Variants in SOX30 observed in about 807,000 individuals in gnomAD.
SOX30 encodes SRY-box transcription factor 30.
A neutral mutation model predicts 58.6 loss-of-function variants in SOX30; 17 were observed. The observed-to-expected ratio is 0.29, with a 90% CI of 0.20 to 0.44. The LOEUF is 0.44. SOX30 is among the 20% of genes least tolerant of loss of function. SOX30 has a pLI of 1.00. For missense variants in SOX30, 951 were observed against 965.8 expected, an observed-to-expected ratio of 0.98 and a Z score of 0.20; for synonymous variants, 421 against 400.2, an observed-to-expected ratio of 1.05 and a Z score of -0.62.
At chr5:157,644,160 A>C (rs1056136849) in intron 3 of SOX30, among the ~76,000 whole-genome samples, 4 of 152,162 alleles carry the variant, frequency 2.6e-5, no homozygotes, top group African/African-American at 7.2e-5. Flanking sequence ...CAAGAAACAA[A>C]TTTGTTTGTT....
intron 4 of SOX30, among the ~76,000 whole-genome samples, chr5:157,635,496 C>T (rs930817376): frequency 1.1e-4 from 17 of 151,982 alleles, no homozygotes; most frequent in African/African-American, 4.1e-4. Context: ...TGGTGATAGG[C>T]ACCTGTGGTC....
chr5:157,637,133 C>CAAAAAA (rs1203322529), intron 4 of SOX30, among the ~76,000 whole-genome samples: 12 of 62,822 alleles, frequency 1.9e-4, no homozygotes, highest in African/African-American at 6.7e-4. Flanking sequence ...AACTCCGCCT[C>CAAAAAA]AAAAAAAAAA....
At chr5:157,665,819 G>A (rs58404785) in intron 2 of SOX30, among the ~76,000 whole-genome samples, 6,914 of 151,164 alleles carry the variant, frequency 0.046, 526 homozygotes, top group African/African-American at 0.16. Context: ...CCAAAGAGAT[G>A]GAGGAACTTC....
At position 157,652,327 on chromosome 5, in the gene SOX30, G is replaced by C; in HGVS notation, c.-249C>G. ...CTCGTGCTGAGTCCTCGAATCACCT[G>C]CCATGGTAGGAGCCGCCGCACTTGT... On this transcript the variant is annotated 5_prime_UTR_variant, in exon 1 of 5. Coordinates refer to ENST00000265007, the MANE Select transcript of SOX30 (RefSeq NM_178424.2). The C allele has an allele frequency of 4.1e-6, 5 of 1,209,554 alleles. No individual in the cohort carries two copies. The highest frequency in any genetic ancestry group is 5.1e-6 in the Non-Finnish European group (5 of 974,570). 74.9% of individuals were successfully genotyped at this position (1,209,554 alleles called of 1,614,324 possible). A position where few individuals can be genotyped will look rare whatever the true frequency, so the allele number is the denominator to read the frequency against.
At chr5:157,663,917 G>A (rs1039152901) in intron 2 of SOX30, among the ~76,000 whole-genome samples, 1 of 152,044 alleles carries the variant, frequency 6.6e-6, no homozygotes, top group Non-Finnish European at 1.5e-5. Context: ...TCTTTAAGGA[G>A]AACTACAAAC....
chr5:157,634,625 GA>G (rs1758883148), intron 4 of SOX30, among the ~76,000 whole-genome samples: 1 of 151,952 alleles, frequency 6.6e-6, no homozygotes, highest in African/African-American at 2.4e-5. Context: ...GAAATAGTTG[GA>G]AAATTCCACA....
chr5:157,658,917 C>G (rs1000705893), intron 2 of SOX30, among the ~76,000 whole-genome samples: 2 of 152,168 alleles, frequency 1.3e-5, no homozygotes, highest in African/African-American at 4.8e-5. Flanking sequence ...GCAGATAAAA[C>G]AGGTTGCAGT....
chr5:157,631,753 G>C, intron 4 of SOX30, among the ~76,000 whole-genome samples: 1 of 134,460 alleles, frequency 7.4e-6, no homozygotes, highest in East Asian at 2.2e-4. Flanking sequence ...TAACAGAGTG[G>C]GAACTCGTCT....
chr5:157,661,728 G>A (rs904108957), intron 2 of SOX30, among the ~76,000 whole-genome samples: 3 of 152,108 alleles, frequency 2.0e-5, no homozygotes, highest in African/African-American at 7.2e-5. Flanking sequence ...GACCACACTT[G>A]GTAATAGTGT....
Position 157,626,581 on chromosome 5 carries a change from T to A in SOX30, c.2021A>T (p.Asp674Val), listed in dbSNP as rs760386409. Reference sequence around the variant, plus strand: ...ACTGTGTGTGCATTCACTTGAGTAGTCTCTAAAAGAATAGTCTCTATTTAA... The same window carrying A: ...ACTGTGTGTGCATTCACTTGAGTAGACTCTAAAAGAATAGTCTCTATTTAA... ...STLNRDYSFR[D>V]YSSECTHSEN... The change falls in exon 5 of 5, where the codon GAC (aspartate) becomes GTC (valine). Residue 674 changes from aspartate to valine, a missense_variant. By Grantham distance (152) the Asp-to-Val change is radical. Coordinates refer to ENST00000265007, the MANE Select transcript of SOX30 (RefSeq NM_178424.2). The A allele has an allele frequency of 3.7e-6, 6 of 1,614,206 alleles. No homozygotes were observed. The highest frequency in any genetic ancestry group is 5.1e-6 in the Non-Finnish European group (6 of 1,180,034).
chr5:157,626,284 C>A lies in SOX30; in HGVS notation c.*56G>T. The A allele has an allele frequency of 7.2e-7, 1 of 1,395,018 alleles. No homozygotes were observed. Among genetic ancestry groups the A allele is most frequent in the East Asian group, 2.4e-5 (1 of 42,308 alleles). The allele number at this position is 1,395,018 out of a possible 1,614,324, so 86.4% of individuals were successfully genotyped here. A position where few individuals can be genotyped will look rare whatever the true frequency, so the allele number is the denominator to read the frequency against. On this transcript the variant is annotated 3_prime_UTR_variant, in exon 5 of 5. Coordinates refer to ENST00000265007, the MANE Select transcript of SOX30 (RefSeq NM_178424.2). Reference sequence around the variant, plus strand: ...TAGGCTTTTTTTTTTCTCATACCAACTGACCCAGAATATATTTTAAGAAAT... The same window carrying A: ...TAGGCTTTTTTTTTTCTCATACCAAATGACCCAGAATATATTTTAAGAAAT...
At chr5:157,652,987 T>TC, upstream of SOX30, among the ~76,000 whole-genome samples, 1 of 152,282 alleles carries the variant, frequency 6.6e-6, no homozygotes, top group Non-Finnish European at 1.5e-5. Context: ...GCCTTAAAAA[T>TC]CCCCCAGTGG....
At position 157,646,820 on chromosome 5, in the gene SOX30, T is replaced by G. The variant is rs764782333; in HGVS notation, c.1208-4A>C. ...GGACGAGGCTGATAAACCCAACCTATAGAAGACAAAATATGTTTAAATGTG... is the reference window on the plus strand; with the variant it reads ...GGACGAGGCTGATAAACCCAACCTAGAGAAGACAAAATATGTTTAAATGTG... On this transcript the variant is annotated splice_polypyrimidine_tract_variant and splice_region_variant and intron_variant, in intron 2 of 4. Transcript: ENST00000265007. 6.2e-7 allele frequency: 1 copy of G among 1,609,658 alleles called. No individual in the cohort carries two copies. The highest frequency in any genetic ancestry group is 1.1e-5 in the South Asian group (1 of 90,624).
intron 4 of SOX30, among the ~76,000 whole-genome samples, chr5:157,633,221 T>C (rs948659647): frequency 6.6e-6 from 1 of 152,206 alleles, no homozygotes; most frequent in Non-Finnish European, 1.5e-5. Flanking sequence ...TTAGGGTTTT[T>C]TCTGTTTTTG....
At chr5:157,633,712 A>G (rs2113835316) in intron 4 of SOX30, among the ~76,000 whole-genome samples, 1 of 152,296 alleles carries the variant, frequency 6.6e-6, no homozygotes, top group Non-Finnish European at 1.5e-5. Flanking sequence ...CCTTTGATTC[A>G]TTTGCCTAAA....
Position 157,651,794 on chromosome 5 carries a change from G to T in SOX30, c.285C>A (p.Ser95=). Residue 95 remains serine (S), a synonymous_variant, in exon 1 of 5, where the codon TCC becomes TCA. Coordinates refer to ENST00000265007, the MANE Select transcript of SOX30 (RefSeq NM_178424.2). ...TGAACTGCAACAGCCGCGCCTGCGC[G>T]GACGAGGCAGCGGCTTCCTCGTTCT... is the stretch of plus-strand genomic sequence containing the variant. ...QAQNEEAAAS[S]AQARLLQFRP... is the part of the protein sequence containing the mutation. The T allele has an allele frequency of 1.3e-6, 2 of 1,576,220 alleles. No individual in the cohort carries two copies. Among genetic ancestry groups the T allele is most frequent in the African/African-American group, 1.3e-5 (1 of 74,396 alleles).
chr5:157,661,926 TATTA>T (rs1759586108), intron 2 of SOX30, among the ~76,000 whole-genome samples: 1 of 152,198 alleles, frequency 6.6e-6, no homozygotes, highest in Non-Finnish European at 1.5e-5. Flanking sequence ...GGATTGGTAT[TATTA>T]ATTATTTAAA....
intron 3 of SOX30, among the ~76,000 whole-genome samples, chr5:157,640,485 A>G (rs1759035837): frequency 6.6e-6 from 1 of 151,878 alleles, no homozygotes; most frequent in Non-Finnish European, 1.5e-5. Context: ...TCACTCACGT[A>G]TTTTTCCATA....
At position 157,651,849 on chromosome 5, in the gene SOX30, T is replaced by C. The variant is rs375780537; in HGVS notation, c.230A>G (p.Gln77Arg). 5 of 1,581,138 alleles carry C rather than the reference T, an allele frequency of 3.2e-6. No homozygotes were observed. In the South Asian group the frequency reaches 3.4e-5, roughly 11 times the overall value. The change falls in exon 1 of 5, where the codon CAG becomes CGG. Residue 77 changes from glutamine to arginine, a missense_variant. By Grantham distance (43) the Gln-to-Arg change is conservative (BLOSUM62 1). Around this residue, in one of 7 missense-constraint regions of SOX30, gnomAD observed 363 missense variants for 294.5 expected, o/e 1.23. Coordinates refer to ENST00000265007, the MANE Select transcript of SOX30 (RefSeq NM_178424.2). ...VRRLLQVKPE[Q>R]VLLLPQPQAQ... Reference sequence around the variant, plus strand: ...CTGAGGCTGTGGTAGCAGCAACACCTGCTCTGGCTTCACCTGCAGCAGCCG... The same window carrying C: ...CTGAGGCTGTGGTAGCAGCAACACCCGCTCTGGCTTCACCTGCAGCAGCCG...
Sources: gnomAD v4.1 joint callset for allele counts (sites outside exome capture counted in the v4.1 genomes callset) on GRCh38, gnomAD v4.1.1 for gene constraint, gnomAD v4.1.1 regional missense constraint, MANE v1.5 for transcripts, NCBI Gene and HGNC (gene_info 2026-07-23, HGNC 2026-07-21) for gene names.